The following HERC5 variants were observed in gnomAD, a reference collection of about 807,000 sequenced individuals.
HERC5 encodes the protein E3 ISG15--protein ligase HERC5.
In HERC5, 99 loss-of-function variants were observed where a neutral mutation model predicts 119.6. That is an observed-to-expected ratio of 0.83 (90% CI 0.70 to 0.98). The LOEUF (loss-of-function observed/expected upper bound fraction) is 0.98, where lower values mean the gene tolerates loss of function less well. Among genes scored for constraint, HERC5 ranks in the 50% least tolerant of loss-of-function variants. The pLI is 0.00. For synonymous variants in HERC5, 478 were observed against 445.9 expected, an observed-to-expected ratio of 1.07 and a Z score of -0.91; for missense variants, 1,267 against 1,241.3, an observed-to-expected ratio of 1.02 and a Z score of -0.31.
intron 12 of HERC5, among the ~76,000 whole-genome samples, chr4:88,478,782 T>G (rs1462691398): frequency 6.6e-6 from 1 of 151,966 alleles, no homozygotes; most frequent in East Asian, 1.9e-4. Context: ...TGCTAATTTT[T>G]TGTAGTTCTG....
At chr4:88,481,249 C>T (rs964395143) in intron 13 of HERC5, among the ~76,000 whole-genome samples, 1 of 152,102 alleles carries the variant, frequency 6.6e-6, no homozygotes, top group African/African-American at 2.4e-5. Context: ...GATGGGGTTT[C>T]GCCATGTAGC....
At position 88,505,894 on chromosome 4, in the gene HERC5, A is replaced by G; in HGVS notation, c.*16A>G. On this transcript the variant is annotated 3_prime_UTR_variant, in exon 23 of 23. Coordinates refer to ENST00000264350, the MANE Select transcript of HERC5 (RefSeq NM_016323.4). The stretch of plus-strand genomic sequence containing the variant: ...ATTTGGCTGACCAGCTTGCTTGTCC[A>G]ACAGCCTTATTTTGTTGTTGTTATC... 3 of 1,574,100 alleles carry G rather than the reference A, an allele frequency of 1.9e-6. No homozygotes were observed. The highest frequency in any genetic ancestry group is 2.6e-6 in the Non-Finnish European group (3 of 1,151,770).
At chr4:88,471,516 C>G (rs544701108) in intron 10 of HERC5, among the ~76,000 whole-genome samples, 1 of 151,426 alleles carries the variant, frequency 6.6e-6, no homozygotes, top group East Asian at 2.0e-4. Flanking sequence ...AATTTTTTAG[C>G]TTTTGTAAAG....
rs1459511443 is a variant in HERC5, at chr4:88,457,145, G to A, written c.-125G>A. On this transcript the variant is annotated 5_prime_UTR_variant, in exon 1 of 23. Transcript: ENST00000264350. ...GTAGCTGAGGCTGCGGTTCCCCGAC[G>A]CCACGCAGCTGCGCGCAGCTGGTTC... is the stretch of plus-strand genomic sequence containing the variant. 3.2e-6 allele frequency: 4 copies of A among 1,231,566 alleles called. No homozygotes were observed. The African/African-American group carries it at 4.7e-5, about 14-fold the overall frequency. The allele number at this position is 1,231,566 out of a possible 1,614,324, so 76.3% of individuals were successfully genotyped here.
At chr4:88,469,466 T>G (rs1410155636) in intron 9 of HERC5, among the ~76,000 whole-genome samples, 1 of 152,180 alleles carries the variant, frequency 6.6e-6, no homozygotes, top group African/African-American at 2.4e-5. Flanking sequence ...AGAGAGAGAT[T>G]ATTTTAAGGA....
At chr4:88,471,033 G>A (rs1009636983) in intron 10 of HERC5, among the ~76,000 whole-genome samples, 3 of 150,348 alleles carry the variant, frequency 2.0e-5, no homozygotes, top group Non-Finnish European at 4.4e-5. Context: ...ATGCAGTTCT[G>A]TGATCTTGGC....
intron 20 of HERC5, among the ~76,000 whole-genome samples, chr4:88,501,477 A>G (rs756896848): frequency 6.6e-6 from 1 of 152,212 alleles, no homozygotes; most frequent in Non-Finnish European, 1.5e-5. Context: ...TGACTTCCCA[A>G]CATCTAATGG....
At chr4:88,481,734 C>T (rs560485682) in intron 13 of HERC5, among the ~76,000 whole-genome samples, 23 of 151,968 alleles carry the variant, frequency 1.5e-4, no homozygotes, top group Non-Finnish European at 4.4e-5. Flanking sequence ...CAGCCACAGG[C>T]AATACAAAAA....
chr4:88,470,124 T>C (rs1469830254), intron 9 of HERC5, among the ~76,000 whole-genome samples: 1 of 152,198 alleles, frequency 6.6e-6, no homozygotes, highest in Non-Finnish European at 1.5e-5. Context: ...TTCTGGAAAA[T>C]GATTGTACAA....
At chr4:88,498,918 A>T (rs897487655) in intron 18 of HERC5, among the ~76,000 whole-genome samples, 1 of 152,210 alleles carries the variant, frequency 6.6e-6, no homozygotes, top group African/African-American at 2.4e-5. Context: ...TCACAGGATC[A>T]CAGCTGGAGA....
intron 22 of HERC5, 26 bp from the exon 23 acceptor site, chr4:88,505,647 T>G (rs2149111944): frequency 2.2e-6 from 3 of 1,354,498 alleles, no homozygotes; most frequent in Non-Finnish European, 3.1e-6. Context: ...GTAAAACAGA[T>G]TGCCTAATTT....
rs1560597192 is a variant in HERC5 at position 88,462,242 on chromosome 4, C to A, written c.574C>A (p.Pro192Thr). The part of the protein sequence containing the change: ...PQIVEHLAGV[P>T]LAQISAGEAH... ...GATTGTGGAGCACCTCGCAGGAGTACCCTTGGCTCAGATTTCTGCCGGAGA... is the reference window on the plus strand; with the variant it reads ...GATTGTGGAGCACCTCGCAGGAGTAACCTTGGCTCAGATTTCTGCCGGAGA... Residue 192 changes from proline to threonine, a missense_variant, in exon 4 of 23, where the codon CCC becomes ACC. Physicochemically the swap from Pro to Thr is conservative, Grantham distance 38 (BLOSUM62 -1). Around this residue, in one of 3 missense-constraint regions of HERC5, gnomAD observed 777 missense variants for 758.0 expected, o/e 1.03. Transcript: ENST00000264350. 6.2e-7 allele frequency: 1 copy of A among 1,614,180 alleles called. No individual in the cohort carries two copies. Among genetic ancestry groups the A allele is most frequent in the Non-Finnish European group, 8.5e-7 (1 of 1,180,030 alleles).
chr4:88,479,321 T>C (rs1741195676), intron 12 of HERC5, 32 bp from the exon 13 acceptor site: 1 of 1,541,026 alleles, frequency 6.5e-7, no homozygotes, highest in Non-Finnish European at 8.7e-7. Flanking sequence ...AAACTCATTT[T>C]TTAAAAAATT....
At chr4:88,474,630 A>G (rs926411545) in intron 11 of HERC5, among the ~76,000 whole-genome samples, 2 of 152,218 alleles carry the variant, frequency 1.3e-5, no homozygotes, top group African/African-American at 4.8e-5. Context: ...ATTTACAGAT[A>G]TCACTTAGCC....
intron 20 of HERC5, among the ~76,000 whole-genome samples, chr4:88,503,161 C>T (rs961603338): frequency 3.3e-5 from 5 of 151,892 alleles, no homozygotes; most frequent in Non-Finnish European, 7.4e-5. Context: ...ATCTATGATC[C>T]ACTTTAATTG....
intron 12 of HERC5, among the ~76,000 whole-genome samples, chr4:88,479,031 A>G (rs1035758946): frequency 4.0e-5 from 6 of 151,852 alleles, no homozygotes; most frequent in African/African-American, 4.8e-5. Flanking sequence ...CATGCCTACA[A>G]TCCCAGCACT....
In HERC5 at chr4:88,504,420, A is replaced by G; in HGVS notation, c.2766+5A>G. The G allele has an allele frequency of 1.3e-6, 2 of 1,595,106 alleles. No individual in the cohort carries two copies. The highest frequency in any genetic ancestry group is 1.7e-6 in the Non-Finnish European group (2 of 1,167,438). On this transcript the variant is annotated splice_donor_5th_base_variant and intron_variant, in intron 21 of 22. Transcript: ENST00000264350. Reference sequence around the variant, plus strand: ...GATTGGAAAACATTTGAAAAGGTACATCATCAAGTCTAAGTTGATTAAATT... The same window carrying G: ...GATTGGAAAACATTTGAAAAGGTACGTCATCAAGTCTAAGTTGATTAAATT...
At position 88,474,355 on chromosome 4, in the gene HERC5, C is replaced by T. The variant is rs867212737; in HGVS notation, c.1393-1486C>T. ...CCAGGTGCTCACGTGGAAGGATATT[C>T]GAGGCAGCTAGAAAAGCGTATGCCA... On this transcript the variant is annotated intron_variant, in intron 11 of 22. Transcript: ENST00000264350. Among the ~76,000 whole-genome samples the T allele has an allele frequency of 4.6e-5, 7 of 152,254 alleles. No homozygotes were observed. The South Asian group carries it at 8.3e-4, about 18-fold the overall frequency.
chr4:88,489,402 A>G, intron 16 of HERC5, 66 bp downstream of exon 16: 2 of 1,418,256 alleles, frequency 1.4e-6, no homozygotes, highest in East Asian at 2.3e-5. Flanking sequence ...GAATGTGGCA[A>G]AGGGTTTCAT....
Sources: gnomAD v4.1 joint callset for allele counts (sites outside exome capture counted in the v4.1 genomes callset) on GRCh38, gnomAD v4.1.1 for gene constraint, gnomAD v4.1.1 regional missense constraint, MANE v1.5 for transcripts, NCBI Gene and HGNC (gene_info 2026-07-23, HGNC 2026-07-21) for gene names.